The following CELA2B variants were observed in gnomAD, a reference collection of about 807,000 sequenced individuals.
CELA2B encodes the protein chymotrypsin-like elastase family member 2B.
CELA2B carries 27 observed loss-of-function variants against 36.5 expected under a neutral mutation model. The observed-to-expected ratio is 0.74, with a 90% confidence interval of 0.55 to 1.02. The LOEUF (loss-of-function observed/expected upper bound fraction) is 1.02. CELA2B is among the 50% of genes least tolerant of loss of function. The probability of loss-of-function intolerance (pLI) is 0.00; values close to 1 mark genes in which losing one functional copy is unlikely to be tolerated. For missense variants in CELA2B, 340 were observed against 347.8 expected (o/e 0.98, Z 0.18); for synonymous variants, 143 against 148.5 (o/e 0.96, Z 0.27).
At chr1:15,482,959 T>C (rs1304865811) in intron 4 of CELA2B, among the ~76,000 whole-genome samples, 1 of 152,054 alleles carries the variant, frequency 6.6e-6, no homozygotes, top group South Asian at 2.1e-4. Context: ...GGCTAATCTT[T>C]TGTATTTTTA....
intron 6 of CELA2B, among the ~76,000 whole-genome samples, chr1:15,486,890 G>A (rs746319217): frequency 6.6e-5 from 10 of 152,298 alleles, no homozygotes; most frequent in Admixed American, 1.3e-4. Flanking sequence ...GACCACCTGC[G>A]GGAAGACAGA....
chr1:15,478,111 C>CATGGTGA (rs1708694158), intron 2 of CELA2B, among the ~76,000 whole-genome samples: 1 of 151,986 alleles, frequency 6.6e-6, no homozygotes, highest in African/African-American at 2.4e-5. Flanking sequence ...CCAGCCTGGA[C>CATGGTGA]ATGGTGAAAC....
chr1:15,482,166 A>T (rs1158794023), intron 3 of CELA2B, 99 bp from the exon 4 acceptor site: 31 of 1,464,610 alleles, frequency 2.1e-5, no homozygotes, highest in Non-Finnish European at 2.9e-5. Flanking sequence ...AGTGCCAACT[A>T]GTGGCTCATG....
chr1:15,485,887 C>G lies in CELA2B; in HGVS notation c.494-14C>G. 1.9e-6 allele frequency: 3 copies of G among 1,614,090 alleles called. No homozygotes were observed. Among genetic ancestry groups the G allele is most frequent in the Non-Finnish European group, 1.7e-6 (2 of 1,179,966 alleles). On this transcript the variant is annotated splice_polypyrimidine_tract_variant and intron_variant, in intron 5 of 7. Coordinates refer to ENST00000375910, the MANE Select transcript of CELA2B (RefSeq NM_015849.3). ...TCCCTGCGTCCCTAATGGCTTCTCT[C>G]TGGTCTCATTCAGCCAACGGGGCTC...
chr1:15,483,446 G>C (rs1300530357), intron 5 of CELA2B, 46 bp downstream of exon 5: 1 of 1,613,136 alleles, frequency 6.2e-7, no homozygotes, highest in Admixed American at 1.7e-5. Flanking sequence ...GAAGGGAGGT[G>C]ATGTCACCCC....
At chr1:15,484,894 A>T (rs1708785427) in intron 5 of CELA2B, among the ~76,000 whole-genome samples, 1 of 151,932 alleles carries the variant, frequency 6.6e-6, no homozygotes, top group Non-Finnish European at 1.5e-5. Context: ...CTTAAGCAAA[A>T]AGCTTGATTT....
intron 7 of CELA2B, chr1:15,490,925 C>A (rs988436662): frequency 1.2e-5 from 3 of 260,116 alleles, no homozygotes; most frequent in African/African-American, 2.2e-5. Flanking sequence ...ACAGTTATAG[C>A]CCCAACCACA....
At chr1:15,490,916 C>A in intron 7 of CELA2B, 1 of 212,300 alleles carries the variant, frequency 4.7e-6, no homozygotes, top group Non-Finnish European at 9.5e-6. Flanking sequence ...CCTCTGGAAA[C>A]AGTTATAGCC....
chr1:15,485,927 A>T lies in CELA2B; in HGVS notation c.520A>T (p.Lys174Ter). The T allele has an allele frequency of 6.2e-7, 1 of 1,614,154 alleles. No individual in the cohort carries two copies. Among genetic ancestry groups the T allele is most frequent in the South Asian group, 1.1e-5 (1 of 91,072 alleles). The change falls in exon 6 of 8, where the codon AAG becomes TAG. Residue 174 changes from lysine (K) to a stop codon, truncating the protein, a stop_gained. Transcript: ENST00000375910. LOFTEE classifies it high-confidence loss of function. ...QTNGALPDDLKQGQLLVVDYA... is the reference protein window; with the variant it reads ...QTNGALPDDL ...CAACGGGGCTCTCCCTGATGACCTG[A>T]AGCAGGGCCAGTTGCTGGTTGTGGA...
intron 7 of CELA2B, among the ~76,000 whole-genome samples, chr1:15,488,851 T>C (rs940537663): frequency 6.6e-6 from 1 of 152,224 alleles, no homozygotes; most frequent in Non-Finnish European, 1.5e-5. Context: ...GTGTTCCCAT[T>C]GATTCTTGCC....
At chr1:15,490,016 G>A (rs910118517) in intron 7 of CELA2B, among the ~76,000 whole-genome samples, 4 of 152,068 alleles carry the variant, frequency 2.6e-5, no homozygotes, top group African/African-American at 9.7e-5. Flanking sequence ...TGGGATTACA[G>A]GCATGCACCA....
At chr1:15,478,301 T>A (rs532276085) in intron 2 of CELA2B, among the ~76,000 whole-genome samples, 5 of 152,006 alleles carry the variant, frequency 3.3e-5, no homozygotes, top group African/African-American at 1.2e-4. Flanking sequence ...TGGAGTGCAA[T>A]GGTACAATCT....
At chr1:15,487,183 C>G in intron 6 of CELA2B, 102 bp from the exon 7 acceptor site, 1 of 1,113,192 alleles carries the variant, frequency 9.0e-7, no homozygotes. Context: ...CTTCAGAGGA[C>G]AGTGACCTGC....
intron 2 of CELA2B, among the ~76,000 whole-genome samples, chr1:15,479,553 AAAAT>A (rs1043730444): frequency 6.6e-6 from 1 of 152,214 alleles, no homozygotes; most frequent in Non-Finnish European, 1.5e-5. Context: ...CTCAAAAAAT[AAAAT>A]AAATAAAGTG....
intron 2 of CELA2B, among the ~76,000 whole-genome samples, chr1:15,479,617 C>T (rs1434433227): frequency 3.3e-5 from 5 of 152,064 alleles, no homozygotes; most frequent in South Asian, 4.2e-4. Context: ...CGCCGGAAAA[C>T]GAAAGATACT....
chr1:15,486,194 C>A, intron 6 of CELA2B, 148 bp downstream of exon 6: 1 of 1,100,834 alleles, frequency 9.1e-7, no homozygotes, highest in Non-Finnish European at 1.3e-6. Context: ...CAGAACCTGA[C>A]CTTTGGCCAG....
intron 3 of CELA2B, chr1:15,481,794 C>T (rs4661634): frequency 0.27 from 124,900 of 468,676 alleles, 18,220 homozygotes; most frequent in East Asian, 0.58. Flanking sequence ...TCCCATCCGA[C>T]TTATAATAAG....
chr1:15,479,257 G>A (rs1426674375), intron 2 of CELA2B, among the ~76,000 whole-genome samples: 1 of 152,032 alleles, frequency 6.6e-6, no homozygotes, highest in East Asian at 1.9e-4. Flanking sequence ...TTAAAAACAA[G>A]GACGTGGCCA....
chr1:15,477,202 A>G (rs1368785999), intron 2 of CELA2B, among the ~76,000 whole-genome samples: 1 of 152,256 alleles, frequency 6.6e-6, no homozygotes, highest in Admixed American at 6.5e-5. Flanking sequence ...CCTTGCTTTA[A>G]GGAACCAATC....
Sources: allele counts gnomAD v4.1 joint callset (sites outside exome capture counted in the v4.1 genomes callset), GRCh38; gene constraint gnomAD v4.1.1; transcripts MANE v1.5; gene names NCBI Gene and HGNC (gene_info 2026-07-23, HGNC 2026-07-21).